AGAP1: variants seen among roughly 807,000 people sequenced by gnomAD.
The protein encoded by AGAP1 is arf-GAP with GTPase, ANK repeat and PH domain-containing protein 1.
In AGAP1, 29 loss-of-function variants were observed where a neutral mutation model predicts 105.3. The ratio of observed to expected loss-of-function variants is 0.28; its 90% confidence interval spans 0.21 to 0.38. AGAP1 has a LOEUF of 0.38. Ranked by LOEUF, AGAP1 falls within the 10% of genes least tolerant of loss-of-function variation. AGAP1 has a pLI of 1.00. For missense variants in AGAP1, 998 were observed against 1,165.1 expected (o/e 0.86, Z 2.09); for synonymous variants, 509 against 485.9 (o/e 1.05, Z -0.63).
intron 1 of AGAP1, among the ~76,000 whole-genome samples, chr2:235,707,821 T>TGTGAC (rs1390623065): frequency 6.6e-6 from 1 of 150,566 alleles, no homozygotes; most frequent in Non-Finnish European, 1.5e-5. Context: ...TCCTCATTTG[T>TGTGAC]GTGACCTGAT....
rs2054997464 is a variant in AGAP1 at position 235,979,450 on chromosome 2, A to G, written c.1645+10827A>G. Among the ~76,000 whole-genome samples, 1 of 152,290 alleles carries G rather than the reference A, an allele frequency of 6.6e-6. No homozygotes were observed. Among genetic ancestry groups the G allele is most frequent in the Admixed American group, 6.5e-5 (1 of 15,300 alleles). ...ACTCGCGCTCATTTTATCAAGATGT[A>G]TTAATGCTTTGGAGAAGGTGTAGTT... On this transcript the variant is annotated intron_variant, in intron 13 of 17. Coordinates refer to ENST00000304032, the MANE Select transcript of AGAP1 (RefSeq NM_001037131.3). The surrounding 1 kb of genome is among the most constrained non-coding windows in gnomAD (Gnocchi z 4.5).
chr2:236,045,425 C>G lies in AGAP1; in HGVS notation c.1892-3634C>G, dbSNP rs925648171. On this transcript the variant is annotated intron_variant, in intron 15 of 17. Coordinates refer to ENST00000304032, the MANE Select transcript of AGAP1 (RefSeq NM_001037131.3). The surrounding 1 kb of genome is among the most constrained non-coding windows in gnomAD (Gnocchi z 6.9). ...GGGGCAGTCACTGCTCTAAGTGCCT[C>G]GTAGCTTTTAATCCTTCTGACAGCC... Among the ~76,000 whole-genome samples the G allele has an allele frequency of 1.3e-5, 2 of 152,218 alleles. No homozygotes were observed. The highest frequency in any genetic ancestry group is 4.8e-5 in the African/African-American group (2 of 41,450).
intron 1 of AGAP1, among the ~76,000 whole-genome samples, chr2:235,565,593 A>G (rs1944321720): frequency 6.6e-6 from 1 of 152,200 alleles, no homozygotes; most frequent in African/African-American, 2.4e-5. Context: ...ATTTGTGATG[A>G]AAATACTCTT....
Position 235,740,064 on chromosome 2 carries a change from T to TC in AGAP1, c.311-896dup, listed in dbSNP as rs560123047. ...AAGAGTTTCGAATCCCCATGAGGGTTCCCTAGCGTGGTCTCAGAGCCCAGG... is the reference window on the plus strand; with the variant it reads ...AAGAGTTTCGAATCCCCATGAGGGTTCCCCTAGCGTGGTCTCAGAGCCCAGG... On this transcript the variant is annotated intron_variant, in intron 3 of 17. Coordinates refer to ENST00000304032, the MANE Select transcript of AGAP1 (RefSeq NM_001037131.3). This position sits in a 1 kb window ranked among gnomAD's most constrained non-coding sequence, Gnocchi z 5.7. Among the ~76,000 whole-genome samples, 99 of 152,242 alleles carry TC rather than the reference T, an allele frequency of 6.5e-4. No homozygotes were observed. Among genetic ancestry groups the TC allele is most frequent in the African/African-American group, 2.3e-3 (95 of 41,556 alleles).
In AGAP1 at chr2:235,724,673, A is replaced by G. The variant is rs530916493; in HGVS notation, c.310+7029A>G. ...CTGAACATCCAGTGCTCATGAGGAAAAGCTTTAAGAGAAAATACCAGGTGC... is the reference window on the plus strand; with the variant it reads ...CTGAACATCCAGTGCTCATGAGGAAGAGCTTTAAGAGAAAATACCAGGTGC... On this transcript the variant is annotated intron_variant, in intron 3 of 17. Transcript: ENST00000304032. The surrounding 1 kb of genome is among the most constrained non-coding windows in gnomAD (Gnocchi z 4.9). Among the ~76,000 whole-genome samples the G allele has an allele frequency of 1.3e-5, 2 of 152,314 alleles. No individual in the cohort carries two copies. The highest frequency in any genetic ancestry group is 4.2e-4 in the South Asian group (2 of 4,812).
At chr2:236,117,668 T>C (rs909488403) in intron 16 of AGAP1, among the ~76,000 whole-genome samples, 1 of 152,204 alleles carries the variant, frequency 6.6e-6, no homozygotes, top group African/African-American at 2.4e-5. Context: ...AGTTAGCAAA[T>C]TGGAACTGGA....
chr2:236,099,177 G>T (rs1295658757), intron 16 of AGAP1, among the ~76,000 whole-genome samples: 5 of 152,136 alleles, frequency 3.3e-5, no homozygotes, highest in African/African-American at 1.2e-4. Flanking sequence ...TTGGGGCCAG[G>T]TGCGGTGGCT....
rs2049145306 is a variant in AGAP1, at chr2:235,865,894, AG to A, written c.1051-17450del. 6.6e-6 allele frequency among the ~76,000 whole-genome samples: 1 copy of A among 152,214 alleles called. No individual in the cohort carries two copies. Among genetic ancestry groups the A allele is most frequent in the Non-Finnish European group, 1.5e-5 (1 of 68,034 alleles). On this transcript the variant is annotated intron_variant, in intron 9 of 17. Coordinates refer to ENST00000304032, the MANE Select transcript of AGAP1 (RefSeq NM_001037131.3). The surrounding 1 kb of genome is among the most constrained non-coding windows in gnomAD (Gnocchi z 6.2). ...TTTCCGTTTGTGGAGGACTGGGGAA[AG>A]CCAGTTAATTGGGATGTGTTTTTGC...
At chr2:236,017,704 CAG>C (rs908275853) in intron 13 of AGAP1, among the ~76,000 whole-genome samples, 1 of 152,230 alleles carries the variant, frequency 6.6e-6, no homozygotes, top group Non-Finnish European at 1.5e-5. Flanking sequence ...GAGAGACAGA[CAG>C]AGCCAAGGTT....
At chr2:235,798,187 G>C (rs1384368927) in intron 7 of AGAP1, among the ~76,000 whole-genome samples, 1 of 152,092 alleles carries the variant, frequency 6.6e-6, no homozygotes, top group Non-Finnish European at 1.5e-5. Flanking sequence ...TCTGGTCTTG[G>C]TCCTAGTCTG....
Position 235,608,998 on chromosome 2 carries a change from G to A in AGAP1, c.164-100181G>A, listed in dbSNP as rs374383487. Among the ~76,000 whole-genome samples the A allele has an allele frequency of 1.3e-5, 2 of 151,804 alleles. No individual in the cohort carries two copies. Among genetic ancestry groups the A allele is most frequent in the East Asian group, 1.9e-4 (1 of 5,160 alleles). Reference sequence around the variant, plus strand: ...AGAAGTAGTAATAATAATTACAGAAGAGCAAATTTAAGAAGCTAAGGAGGG... The same window carrying A: ...AGAAGTAGTAATAATAATTACAGAAAAGCAAATTTAAGAAGCTAAGGAGGG... On this transcript the variant is annotated intron_variant, in intron 1 of 17. Coordinates refer to ENST00000304032, the MANE Select transcript of AGAP1 (RefSeq NM_001037131.3). This position sits in a 1 kb window ranked among gnomAD's most constrained non-coding sequence, Gnocchi z 5.4.
chr2:235,619,990 G>A (rs948515891), intron 1 of AGAP1, among the ~76,000 whole-genome samples: 5 of 152,172 alleles, frequency 3.3e-5, no homozygotes, highest in Admixed American at 3.3e-4. Flanking sequence ...GTCCCAAGGA[G>A]ACACATGTTA....
At chr2:235,674,693 C>CT (rs201019044) in intron 1 of AGAP1, among the ~76,000 whole-genome samples, 4,519 of 136,268 alleles carry the variant, frequency 0.033, 112 homozygotes, top group African/African-American at 0.062. Context: ...GGGTGATAGA[C>CT]TTTTTTTTTT....
rs140951330 is a variant in AGAP1 at position 235,736,250 on chromosome 2, G to A, written c.311-4713G>A. On this transcript the variant is annotated intron_variant, in intron 3 of 17. Transcript: ENST00000304032. The surrounding 1 kb of genome is among the most constrained non-coding windows in gnomAD (Gnocchi z 5.5). ...AGGGTGGGCGCTGGTCCCTTCCCAC[G>A]GAGCTCGCCTAGCACCTGTTCACAG... Among the ~76,000 whole-genome samples, 5 of 152,088 alleles carry A rather than the reference G, an allele frequency of 3.3e-5. No individual in the cohort carries two copies. The highest frequency in any genetic ancestry group is 4.8e-5 in the African/African-American group (2 of 41,502).
intron 1 of AGAP1, among the ~76,000 whole-genome samples, chr2:235,571,869 A>G (rs1944526946): frequency 6.6e-6 from 1 of 150,548 alleles, no homozygotes; most frequent in Non-Finnish European, 1.5e-5. Context: ...AAGTGCTGGG[A>G]CTACAGGCGT....
At chr2:235,732,000 CA>C in intron 3 of AGAP1, among the ~76,000 whole-genome samples, 1 of 152,272 alleles carries the variant, frequency 6.6e-6, no homozygotes, top group South Asian at 2.1e-4. Context: ...TTCTCCAGCA[CA>C]AAAACCTGTG....
intron 16 of AGAP1, among the ~76,000 whole-genome samples, chr2:236,081,319 G>A (rs2058775123): frequency 6.6e-6 from 1 of 152,134 alleles, no homozygotes; most frequent in South Asian, 2.1e-4. Flanking sequence ...TAAAAAGAGA[G>A]TAACTACACT....
At chr2:235,681,017 C>T (rs1453119656) in intron 1 of AGAP1, among the ~76,000 whole-genome samples, 1 of 152,038 alleles carries the variant, frequency 6.6e-6, no homozygotes, top group Admixed American at 6.6e-5. Flanking sequence ...CCCCCTCCCC[C>T]TTTTCTTTTT....
Position 236,080,287 on chromosome 2 carries a change from T to C in AGAP1, c.2114+31006T>C, listed in dbSNP as rs1184587370. On this transcript the variant is annotated intron_variant, in intron 16 of 17. Transcript: ENST00000304032. The surrounding 1 kb of genome is among the most constrained non-coding windows in gnomAD (Gnocchi z 4.2). ...GACACAGGGAAAGGAGAGAGAAGAA[T>C]TGTTACCCGGCAAAGATCAGACTGC... 6.6e-6 allele frequency among the ~76,000 whole-genome samples: 1 copy of C among 152,158 alleles called. No homozygotes were observed. The highest frequency in any genetic ancestry group is 2.4e-5 in the African/African-American group (1 of 41,446).
Sources: gnomAD v4.1 joint callset for allele counts (sites outside exome capture counted in the v4.1 genomes callset) on GRCh38, gnomAD v4.1.1 for gene constraint, Gnocchi (gnomAD v3.1) non-coding constraint, MANE v1.5 for transcripts, NCBI Gene and HGNC (gene_info 2026-07-23, HGNC 2026-07-21) for gene names.